RUNX1T1: variants seen among roughly 807,000 people sequenced by gnomAD.
RUNX1T1 encodes the protein protein CBFA2T1.
In RUNX1T1, 4 loss-of-function variants were observed where a neutral mutation model predicts 62.8. The observed-to-expected ratio is 0.06, with a 90% CI of 0.03 to 0.15. RUNX1T1 has a LOEUF of 0.15. Among genes scored for constraint, RUNX1T1 ranks in the 10% least tolerant of loss-of-function variants. The pLI, the probability that RUNX1T1 is intolerant of heterozygous loss-of-function variation, is 1.00. For synonymous variants in RUNX1T1, 291 were observed against 286.0 expected, an observed-to-expected ratio of 1.02 and a Z score of -0.18; for missense variants, 508 against 754.3, an observed-to-expected ratio of 0.67 and a Z score of 3.82.
chr8:92,013,012 T>C (rs1297012414), intron 3 of RUNX1T1, among the ~76,000 whole-genome samples: 1 of 152,132 alleles, frequency 6.6e-6, no homozygotes, highest in Non-Finnish European at 1.5e-5. Context: ...TTCTGCATTT[T>C]CAATTATGGA....
intron 1 of RUNX1T1, among the ~76,000 whole-genome samples, chr8:92,048,179 C>A (rs1189558946): frequency 6.6e-6 from 1 of 152,120 alleles, no homozygotes; most frequent in Non-Finnish European, 1.5e-5. Flanking sequence ...TGATAGACTG[C>A]TTAAATGAAC....
At chr8:92,017,347 G>A in exon 2 of RUNX1T1, 1 of 1,613,836 alleles carries the variant, frequency 6.2e-7, no homozygotes. Flanking sequence ...GCATTGTGGA[G>A]TGCTTCTCAG....
At chr8:92,091,871 T>TG (rs1249720406) in intron 1 of RUNX1T1, among the ~76,000 whole-genome samples, 1 of 152,236 alleles carries the variant, frequency 6.6e-6, no homozygotes, top group Non-Finnish European at 1.5e-5. Context: ...TCTTTTGAGT[T>TG]GGTGTTTTAG....
intron 2 of RUNX1T1, among the ~76,000 whole-genome samples, chr8:92,070,513 A>G (rs531791906): frequency 1.3e-5 from 2 of 152,360 alleles, no homozygotes; most frequent in African/African-American, 4.8e-5. Flanking sequence ...CGATGATGCC[A>G]GCTCCATCAC....
chr8:92,005,598 T>C lies in RUNX1T1; in HGVS notation c.478-301A>G, dbSNP rs118070600. ...TCCCTTTATACTTGAATGTATGTTCTACGGTATGTGAGAACCTAGCTCCAA... is the reference window on the plus strand; with the variant it reads ...TCCCTTTATACTTGAATGTATGTTCCACGGTATGTGAGAACCTAGCTCCAA... On this transcript the variant is annotated intron_variant, in intron 4 of 10. Transcript: ENST00000396218. 1,904 of 303,172 alleles carry C rather than the reference T, an allele frequency of 6.3e-3. 8 individuals are homozygous for C. Among genetic ancestry groups the C allele is most frequent in the Non-Finnish European group, 9.6e-3 (1,590 of 165,234 alleles). The allele number at this position is 303,172 out of a possible 1,614,324, so 18.8% of individuals were successfully genotyped here. A position where few individuals can be genotyped will look rare whatever the true frequency, so the allele number is the denominator to read the frequency against.
Position 91,986,144 on chromosome 8 carries a change from T to G in RUNX1T1, c.1178A>C (p.Asn393Thr), listed in dbSNP as rs576503099. Residue 393 changes from asparagine (N) to threonine (T), a missense_variant, in exon 8 of 11, where the codon AAC becomes ACC. This residue lies in a region of RUNX1T1 where 68 missense variants were observed against 75.3 expected (regional missense o/e 0.90). Transcript: ENST00000396218. ...GTTACCTAGTGCAACTGGGTCTGGGTTGACGGGACTCTGCTGCCTAGAGTG... is the reference window on the plus strand; with the variant it reads ...GTTACCTAGTGCAACTGGGTCTGGGGTGACGGGACTCTGCTGCCTAGAGTG... 2.5e-6 allele frequency: 4 copies of G among 1,614,096 alleles called. No homozygotes were observed. In the South Asian group the frequency reaches 3.3e-5, roughly 13 times the overall value.
intron 1 of RUNX1T1, among the ~76,000 whole-genome samples, chr8:92,044,397 G>C (rs973257535): frequency 1.3e-5 from 2 of 152,158 alleles, no homozygotes; most frequent in Admixed American, 1.3e-4. Context: ...GTGTGAAAAA[G>C]TCAATTCCAG....
At chr8:91,991,185 T>C (rs567156068) in intron 6 of RUNX1T1, among the ~76,000 whole-genome samples, 4 of 146,942 alleles carry the variant, frequency 2.7e-5, no homozygotes, top group South Asian at 2.1e-4. Context: ...TTTGGAAATA[T>C]GGAATATCAT....
intron 1 of RUNX1T1, among the ~76,000 whole-genome samples, chr8:92,051,330 G>A (rs920678935): frequency 1.3e-5 from 2 of 152,072 alleles, no homozygotes; most frequent in Admixed American, 6.6e-5. Flanking sequence ...CCCTCGAAAA[G>A]TGTTCAATCT....
intron 1 of RUNX1T1, among the ~76,000 whole-genome samples, chr8:92,034,801 C>CATATATATAT (rs1554630750): frequency 1.8e-5 from 2 of 113,626 alleles, no homozygotes; most frequent in South Asian, 3.5e-4. Context: ...CATATATACA[C>CATATATATAT]ACACACACAC....
chr8:92,067,121 T>C (rs1832990746), upstream of RUNX1T1, among the ~76,000 whole-genome samples: 1 of 152,224 alleles, frequency 6.6e-6, no homozygotes, highest in Non-Finnish European at 1.5e-5. Context: ...TAAAGGTTTA[T>C]TTAGGGCTGT....
chr8:92,052,958 TG>T (rs1830455461), intron 1 of RUNX1T1, among the ~76,000 whole-genome samples: 1 of 152,210 alleles, frequency 6.6e-6, no homozygotes, highest in South Asian at 2.1e-4. Context: ...ATTTTTATAA[TG>T]CATGAATTAA....
At chr8:91,965,148 G>A (rs1288504658) in intron 10 of RUNX1T1, among the ~76,000 whole-genome samples, 1 of 152,160 alleles carries the variant, frequency 6.6e-6, no homozygotes, top group Non-Finnish European at 1.5e-5. Flanking sequence ...TTAGAAGGCT[G>A]ATGGTCCCAT....
In RUNX1T1 at chr8:91,998,629, G is replaced by A. The variant is rs148736905; in HGVS notation, c.659+6487C>T. ...AGCAGCGAGAAGGTGGAATGCTTCCGTCACGTGTCTGAAGCTGACCATCTG... is the reference window on the plus strand; with the variant it reads ...AGCAGCGAGAAGGTGGAATGCTTCCATCACGTGTCTGAAGCTGACCATCTG... On this transcript the variant is annotated intron_variant, in intron 5 of 10. Transcript: ENST00000396218. 3.0e-3 allele frequency among the ~76,000 whole-genome samples: 457 copies of A among 152,342 alleles called. 15 individuals are homozygous for A. Among genetic ancestry groups the A allele is most frequent in the Admixed American group, 0.027 (418 of 15,302 alleles).
intron 2 of RUNX1T1, chr8:92,071,458 A>T (rs1833655783): frequency 6.6e-6 from 1 of 152,104 alleles, no homozygotes; most frequent in Non-Finnish European, 1.5e-5. Context: ...ATTGTTTCAT[A>T]GCAAGGCCAG....
downstream of RUNX1T1, chr8:91,955,807 A>G (rs370240335): frequency 2.6e-5 from 6 of 226,984 alleles, 1 homozygote; most frequent in South Asian, 3.7e-4. Context: ...AAAACTACAC[A>G]TAAAAACTAA....
chr8:92,028,091 GAAGGAAGGA>G (rs1825579585), intron 1 of RUNX1T1, among the ~76,000 whole-genome samples: 2 of 73,848 alleles, frequency 2.7e-5, no homozygotes, highest in East Asian at 5.1e-4. Context: ...GGGGGGGTGG[GAAGGAAGGA>G]GGGAAAGAAG....
exon 8 of RUNX1T1, chr8:91,986,247 G>A (rs1301792645): frequency 3.1e-6 from 5 of 1,613,582 alleles, no homozygotes; most frequent in African/African-American, 1.3e-5. Flanking sequence ...AATTCTTCCC[G>A]GTCTGCTTCT....
At chr8:92,088,890 C>T (rs571783311) in intron 1 of RUNX1T1, among the ~76,000 whole-genome samples, 7 of 152,326 alleles carry the variant, frequency 4.6e-5, no homozygotes, top group Non-Finnish European at 1.0e-4. Flanking sequence ...ATATTCAACC[C>T]AGTTAGTACC....
Sources: gnomAD v4.1 joint callset for allele counts (sites outside exome capture counted in the v4.1 genomes callset) on GRCh38, gnomAD v4.1.1 for gene constraint, gnomAD v4.1.1 regional missense constraint, MANE v1.5 for transcripts, NCBI Gene and HGNC (gene_info 2026-07-23, HGNC 2026-07-21) for gene names.